POSTN: variants seen among roughly 807,000 people sequenced by gnomAD.
POSTN encodes periostin.
A neutral mutation model predicts 104.5 loss-of-function variants in POSTN; 71 were observed. The ratio of observed to expected loss-of-function variants is 0.68; its 90% CI spans 0.56 to 0.83. The LOEUF is 0.83. Among genes scored for constraint, POSTN ranks in the 40% least tolerant of loss-of-function variants. The probability of loss-of-function intolerance (pLI) is 0.00; values close to 1 mark genes in which losing one functional copy is unlikely to be tolerated. For synonymous variants in POSTN, 355 were observed against 340.7 expected (o/e 1.04, Z -0.46); for missense variants, 949 against 1,006.8 (o/e 0.94, Z 0.78).
At chr13:37,588,534 G>A (rs150002926) in intron 4 of POSTN, among the ~76,000 whole-genome samples, 1 of 152,208 alleles carries the variant, frequency 6.6e-6, no homozygotes, top group Non-Finnish European at 1.5e-5. Context: ...ATAGCAGCAG[G>A]TAAAAGTAGA....
chr13:37,591,636 C>T (rs1434998215), intron 3 of POSTN, among the ~76,000 whole-genome samples: 1 of 151,722 alleles, frequency 6.6e-6, no homozygotes, highest in African/African-American at 2.4e-5. Flanking sequence ...TGGTGATTGG[C>T]ATGAAATATC....
Position 37,579,357 on chromosome 13 carries a change from C to T in POSTN, c.1663G>A (p.Asp555Asn), listed in dbSNP as rs755775583. ...ATGATGTTTTGAAGAGCATTTTTGT[C>T]CCCTAGGGGAAAATATATGTTTATT... is the stretch of plus-strand genomic sequence containing the variant. The part of the protein sequence containing the change: ...TSEEKEILIR[D>N]KNALQNIILY... The change falls in exon 13 of 23, where the codon GAC becomes AAC. Residue 555 changes from aspartate to asparagine, a missense_variant and splice_region_variant. Transcript: ENST00000379747. 1.9e-6 allele frequency: 3 copies of T among 1,569,110 alleles called. No individual in the cohort carries two copies. The African/African-American group carries it at 4.1e-5, about 21-fold the overall frequency.
At chr13:37,564,094 T>G (rs1239543690) in intron 22 of POSTN, among the ~76,000 whole-genome samples, 2 of 149,796 alleles carry the variant, frequency 1.3e-5, no homozygotes, top group African/African-American at 4.9e-5. Context: ...AATCTACATT[T>G]GTTTATCTCT....
At chr13:37,574,249 G>T (rs1209539160) in intron 17 of POSTN, among the ~76,000 whole-genome samples, 1 of 151,374 alleles carries the variant, frequency 6.6e-6, no homozygotes, top group Non-Finnish European at 1.5e-5. Context: ...AGAGTATACA[G>T]CCTGTAGGAG....
Position 37,598,718 on chromosome 13 carries a change from G to A in POSTN, c.9C>T (p.Pro3=). 1 of 1,612,916 alleles carries A rather than the reference G, an allele frequency of 6.2e-7. No individual in the cohort carries two copies. The highest frequency in any genetic ancestry group is 8.5e-7 in the Non-Finnish European group (1 of 1,179,102). ...ATAGTAGAGAAAACATGGGTAAAAA[G>A]GGAATCATCTTGAGTCTCTCCGTTG... The part of the protein sequence containing the change: MI[P]FLPMFSLLLL... Residue 3 remains proline, a synonymous_variant, in exon 1 of 23, where the codon CCC becomes CCT. Coordinates refer to ENST00000379747, the MANE Select transcript of POSTN (RefSeq NM_006475.3).
At chr13:37,569,966 C>T in intron 19 of POSTN, 145 bp from the exon 20 acceptor site, 1 of 606,970 alleles carries the variant, frequency 1.6e-6, no homozygotes, top group Admixed American at 2.9e-5. Flanking sequence ...TGAAAGCAGC[C>T]TTAGGTATTA....
intron 10 of POSTN, among the ~76,000 whole-genome samples, chr13:37,581,849 A>T (rs1950598752): frequency 6.6e-6 from 1 of 152,222 alleles, no homozygotes; most frequent in African/African-American, 2.4e-5. Flanking sequence ...ACAGTATAAG[A>T]TCACCTTGCA....
intron 5 of POSTN, among the ~76,000 whole-genome samples, 187 bp from the exon 6 acceptor site, chr13:37,587,115 A>T (rs922433165): frequency 6.6e-6 from 1 of 152,198 alleles, no homozygotes; most frequent in Non-Finnish European, 1.5e-5. Flanking sequence ...CTGTAAGAGA[A>T]AAGGGAACCA....
chr13:37,574,632 C>A lies in POSTN; in HGVS notation c.2029G>T (p.Val677Phe). The A allele has an allele frequency of 1.3e-6, 2 of 1,597,038 alleles. No homozygotes were observed. The highest frequency in any genetic ancestry group is 1.8e-4 in the Middle Eastern group (1 of 5,494). The change falls in exon 17 of 23, where the codon GTT (valine) becomes TTT (phenylalanine). Residue 677 changes from valine (V) to phenylalanine (F), a missense_variant. Transcript: ENST00000379747. ...TVYTTKIITK[V>F]VEPKIKVIEG... ...ATCACTTTAATTTTTGGTTCCACAA[C>A]TTTGGTTATAATTTTAGTTGCTGAA...
At position 37,579,865 on chromosome 13, in the gene POSTN, C is replaced by G; in HGVS notation, c.1656G>C (p.Leu552=). The change falls in exon 12 of 23, where the codon CTG becomes CTC. Residue 552 remains leucine, a synonymous_variant. Coordinates refer to ENST00000379747, the MANE Select transcript of POSTN (RefSeq NM_006475.3). The part of the protein sequence containing the change: ...KGMTSEEKEI[L]IRDKNALQNI... ...CTGGAATTCACTTCCACTTACGTAT[C>G]AGAATTTCTTTTTCTTCACTAGTCA... The G allele has an allele frequency of 6.2e-7, 1 of 1,607,600 alleles. No individual in the cohort carries two copies. Among genetic ancestry groups the G allele is most frequent in the African/African-American group, 1.3e-5 (1 of 74,632 alleles).
At chr13:37,569,958 A>G (rs373342391) in intron 19 of POSTN, 137 bp from the exon 20 acceptor site, 7 of 625,336 alleles carry the variant, frequency 1.1e-5, no homozygotes, top group East Asian at 8.0e-5. Flanking sequence ...CTTCAGTGTG[A>G]AAGCAGCCTT....
chr13:37,569,543 T>C (rs1409804461), intron 20 of POSTN, 160 bp from the exon 21 acceptor site: 2 of 804,354 alleles, frequency 2.5e-6, no homozygotes, highest in Admixed American at 2.0e-5. Context: ...ACTAATATTC[T>C]TATAAAGTTG....
chr13:37,596,704 C>G (rs981141406), intron 2 of POSTN, among the ~76,000 whole-genome samples: 1 of 152,164 alleles, frequency 6.6e-6, no homozygotes, highest in South Asian at 2.1e-4. Context: ...GATGAAAACT[C>G]TCCGGTAAAC....
rs546380500 is a variant in POSTN, at chr13:37,590,228, T to C, written c.441+144A>G. The C allele has an allele frequency of 7.2e-5, 41 of 570,734 alleles. No homozygotes were observed. The South Asian group carries it at 1.3e-3, about 19-fold the overall frequency. The allele number at this position is 570,734 out of a possible 1,614,324, so 35.4% of individuals were successfully genotyped here. A position where few individuals can be genotyped will look rare whatever the true frequency, so the allele number is the denominator to read the frequency against. ...GATGTATTAAGATATTTTACTTCCCTTAATAACTCATCCCTTTAGGTATTC... is the reference window on the plus strand; with the variant it reads ...GATGTATTAAGATATTTTACTTCCCCTAATAACTCATCCCTTTAGGTATTC... On this transcript the variant is annotated intron_variant, in intron 4 of 22. Transcript: ENST00000379747.
rs139153820 is a variant in POSTN, at chr13:37,577,754, A to G, written c.2007T>C (p.Tyr669=). The G allele has an allele frequency of 2.2e-5, 36 of 1,613,384 alleles. No individual in the cohort carries two copies. In the African/African-American group the frequency reaches 4.1e-4, roughly 19 times the overall value. Residue 669 remains tyrosine (Y), a splice_region_variant and synonymous_variant, in exon 16 of 23, where the codon TAT becomes TAC. Transcript: ENST00000379747. ...GGCCAATATTTATTATATACTTACT[A>G]TAGACAGTCACGGGGATTTCTTTGA... is the stretch of plus-strand genomic sequence containing the variant. ...STFKEIPVTV[Y]TTKIITKVVE...
intron 20 of POSTN, 115 bp from the exon 21 acceptor site, chr13:37,569,498 ATTCT>A: frequency 1.1e-6 from 1 of 909,664 alleles, no homozygotes; most frequent in Non-Finnish European, 1.8e-6. Context: ...CCAACACTCG[ATTCT>A]TTCACAAATT....
chr13:37,577,458 C>T (rs1950442886), intron 16 of POSTN, among the ~76,000 whole-genome samples: 1 of 152,142 alleles, frequency 6.6e-6, no homozygotes, highest in Admixed American at 6.5e-5. Flanking sequence ...GGTCTTTTCG[C>T]CATCTCTTCC....
At chr13:37,583,872 C>G (rs535841566) in intron 9 of POSTN, 97 bp downstream of exon 9, 2 of 1,429,238 alleles carry the variant, frequency 1.4e-6, no homozygotes, top group Non-Finnish European at 1.9e-6. Flanking sequence ...CTAATCAACA[C>G]CTCCTAAAAC....
Position 37,582,411 on chromosome 13 carries a change from C to T in POSTN, c.1347G>A (p.Leu449=). 6.2e-7 allele frequency: 1 copy of T among 1,613,790 alleles called. No homozygotes were observed. Among genetic ancestry groups the T allele is most frequent in the Non-Finnish European group, 8.5e-7 (1 of 1,179,898 alleles). ...TGAGCTGTTTGCCTCCGATGGTTTC[C>T]AGTATTTGCCCGTTGTAAAGCTCAT... The part of the protein sequence containing the change: ...GLNELYNGQI[L]ETIGGKQLRV... The change falls in exon 10 of 23, where the codon CTG becomes CTA. Residue 449 remains leucine, a synonymous_variant. Coordinates refer to ENST00000379747, the MANE Select transcript of POSTN (RefSeq NM_006475.3).
Sources: allele counts gnomAD v4.1 joint callset (sites outside exome capture counted in the v4.1 genomes callset), GRCh38; gene constraint gnomAD v4.1.1; transcripts MANE v1.5; gene names NCBI Gene and HGNC (gene_info 2026-07-23, HGNC 2026-07-21).